Variants in LYPD6B observed in about 807,000 individuals in gnomAD.
The protein encoded by LYPD6B is ly6/PLAUR domain-containing protein 6B.
A neutral mutation model predicts 22.8 loss-of-function variants in LYPD6B; 17 were observed. That is an observed-to-expected ratio of 0.75 (90% CI 0.51 to 1.12). The LOEUF (loss-of-function observed/expected upper bound fraction) is 1.12. Ranked by LOEUF, LYPD6B falls within the 50% of genes most tolerant of loss-of-function variation. LYPD6B has a pLI of 0.00. For missense variants in LYPD6B, 221 were observed against 258.3 expected (o/e 0.86, Z 0.99); for synonymous variants, 106 against 91.6 (o/e 1.16, Z -0.90).
chr2:149,160,909 TC>T, intron 3 of LYPD6B, 74 bp downstream of exon 3: 1 of 1,090,296 alleles, frequency 9.2e-7, no homozygotes, highest in Non-Finnish European at 1.4e-6. Flanking sequence ...GGGAATGGAC[TC>T]CTGAAAGTCC....
At chr2:149,180,714 G>A (rs1456886939) in intron 3 of LYPD6B, among the ~76,000 whole-genome samples, 1 of 152,220 alleles carries the variant, frequency 6.6e-6, no homozygotes, top group African/African-American at 2.4e-5. Context: ...GCTGTGTCCT[G>A]ATCCTTGATC....
At chr2:149,114,974 C>G (rs1686930804) in intron 1 of LYPD6B, among the ~76,000 whole-genome samples, 1 of 152,128 alleles carries the variant, frequency 6.6e-6, no homozygotes. Context: ...GAGTCTCGCT[C>G]TGTTGCCCAG....
At chr2:149,099,281 C>T (rs1402528025) in intron 1 of LYPD6B, among the ~76,000 whole-genome samples, 5 of 152,178 alleles carry the variant, frequency 3.3e-5, no homozygotes, top group Admixed American at 3.3e-4. Flanking sequence ...TCAGATTTTA[C>T]TGAGCATCCT....
intron 1 of LYPD6B, among the ~76,000 whole-genome samples, chr2:149,093,662 A>G (rs1558993171): frequency 6.6e-6 from 1 of 152,186 alleles, no homozygotes; most frequent in Non-Finnish European, 1.5e-5. Flanking sequence ...TTCCAGCATC[A>G]CATTGTCTTC....
At chr2:149,134,936 C>T (rs1688264447) in intron 2 of LYPD6B, among the ~76,000 whole-genome samples, 1 of 152,110 alleles carries the variant, frequency 6.6e-6, no homozygotes, top group Non-Finnish European at 1.5e-5. Context: ...TTAAAGCAAC[C>T]ATCAACTCTT....
intron 4 of LYPD6B, among the ~76,000 whole-genome samples, chr2:149,207,885 T>A (rs1309302962): frequency 6.6e-6 from 1 of 152,094 alleles, no homozygotes; most frequent in African/African-American, 2.4e-5. Context: ...CTTAGAATTT[T>A]AAAAAATCAC....
intron 2 of LYPD6B, among the ~76,000 whole-genome samples, chr2:149,147,116 C>T (rs1172584948): frequency 6.6e-6 from 1 of 152,204 alleles, no homozygotes; most frequent in Admixed American, 6.5e-5. Context: ...CTCAGATTCT[C>T]TTTGAGCCTT....
intron 1 of LYPD6B, among the ~76,000 whole-genome samples, chr2:149,070,225 G>A (rs4667325): frequency 4.0e-5 from 6 of 151,796 alleles, no homozygotes; most frequent in East Asian, 1.9e-4. Flanking sequence ...GCCACAGGAC[G>A]TTGGCATTTC....
intron 3 of LYPD6B, among the ~76,000 whole-genome samples, chr2:149,190,727 C>G (rs1434729348): frequency 6.6e-6 from 1 of 152,002 alleles, no homozygotes; most frequent in Non-Finnish European, 1.5e-5. Flanking sequence ...ATTTTCTTTG[C>G]CAATTTTTCT....
chr2:149,054,459 G>T (rs547891149), intron 1 of LYPD6B, among the ~76,000 whole-genome samples: 2 of 152,060 alleles, frequency 1.3e-5, no homozygotes, highest in Non-Finnish European at 2.9e-5. Context: ...TTATTCTAGA[G>T]TTATTATCTT....
chr2:149,210,421 A>C (rs374650621), intron 5 of LYPD6B, among the ~76,000 whole-genome samples: 2 of 152,154 alleles, frequency 1.3e-5, no homozygotes, highest in East Asian at 3.9e-4. Context: ...ATGATAGGAC[A>C]TTCTTACTAT....
At chr2:149,068,208 G>A (rs1684431149) in intron 1 of LYPD6B, among the ~76,000 whole-genome samples, 1 of 152,106 alleles carries the variant, frequency 6.6e-6, no homozygotes, top group Admixed American at 6.6e-5. Context: ...TTTTCCTGTA[G>A]CCACTTTACC....
chr2:149,051,222 G>A (rs957319160), intron 1 of LYPD6B, among the ~76,000 whole-genome samples: 21 of 151,936 alleles, frequency 1.4e-4, no homozygotes, highest in Non-Finnish European at 2.4e-4. Flanking sequence ...CTGGAGTGCA[G>A]TGGCACGAAC....
At chr2:149,058,402 T>G (rs1683906797) in intron 1 of LYPD6B, among the ~76,000 whole-genome samples, 1 of 152,256 alleles carries the variant, frequency 6.6e-6, no homozygotes, top group South Asian at 2.1e-4. Context: ...TTCAGTTGTC[T>G]ATAACTCTGC....
intron 1 of LYPD6B, among the ~76,000 whole-genome samples, chr2:149,039,069 T>C (rs1007446888): frequency 1.3e-5 from 2 of 151,620 alleles, no homozygotes; most frequent in Non-Finnish European, 2.9e-5. Flanking sequence ...GGGGCAAGGC[T>C]GGAGCGGTGT....
In LYPD6B at chr2:149,120,381, A is replaced by ATTTTTT. The variant is rs1256956846; in HGVS notation, c.-66-10501_-66-10500insTTTTTT. Among the ~76,000 whole-genome samples the ATTTTTT allele has an allele frequency of 2.2e-3, 94 of 43,468 alleles. 3 individuals carry two copies. Among genetic ancestry groups the ATTTTTT allele is most frequent in the East Asian group, 0.011 (7 of 622 alleles). The allele number at this position is 43,468 out of a possible 152,430, so 28.5% of individuals were successfully genotyped here. On this transcript the variant is annotated intron_variant, in intron 1 of 6. Coordinates refer to ENST00000409642, the MANE Select transcript of LYPD6B (RefSeq NM_177964.5). The stretch of plus-strand genomic sequence containing the variant: ...TGTGTGTATATATATATATATATAT[A>ATTTTTT]TATTTTTTTTTTTTTTTTTTTGAGA...
intron 3 of LYPD6B, among the ~76,000 whole-genome samples, chr2:149,181,967 C>G (rs546455960): frequency 6.6e-6 from 1 of 152,092 alleles, no homozygotes; most frequent in Non-Finnish European, 1.5e-5. Context: ...CCATGGCTGC[C>G]GTCTGGAATT....
At chr2:149,117,371 A>G (rs1687059554) in intron 1 of LYPD6B, among the ~76,000 whole-genome samples, 1 of 151,858 alleles carries the variant, frequency 6.6e-6, no homozygotes, top group Non-Finnish European at 1.5e-5. Context: ...CCCGGGTTCA[A>G]GTGATTCTCG....
chr2:149,039,294 G>A (rs538588172), intron 1 of LYPD6B, among the ~76,000 whole-genome samples: 1 of 152,324 alleles, frequency 6.6e-6, no homozygotes, highest in Admixed American at 6.5e-5. Context: ...CCCTTGCCCC[G>A]GCTCTTTACT....
Sources: allele counts gnomAD v4.1 joint callset (sites outside exome capture counted in the v4.1 genomes callset), GRCh38; gene constraint gnomAD v4.1.1; transcripts MANE v1.5; gene names NCBI Gene and HGNC (gene_info 2026-07-23, HGNC 2026-07-21).